Variants in ALKAL2 observed in about 807,000 individuals in gnomAD.
The protein encoded by ALKAL2 is AUG-alpha.
In ALKAL2, 8 loss-of-function variants were observed where a neutral mutation model predicts 18.5. The ratio of observed to expected loss-of-function variants is 0.43; its 90% confidence interval spans 0.25 to 0.78. The LOEUF is 0.78. ALKAL2 is among the 30% of genes least tolerant of loss of function. The pLI, the probability that ALKAL2 is intolerant of heterozygous loss-of-function variation, is 0.22. For synonymous variants in ALKAL2, 135 were observed against 95.8 expected, an observed-to-expected ratio of 1.41 and a Z score of -2.39; for missense variants, 241 against 211.2, an observed-to-expected ratio of 1.14 and a Z score of -0.88.
chr2:284,414 T>G (rs751928278), intron 4 of ALKAL2, among the ~76,000 whole-genome samples: 2 of 152,204 alleles, frequency 1.3e-5, no homozygotes, highest in African/African-American at 2.4e-5. Flanking sequence ...AGGTCTGATA[T>G]TCCAGGATCC....
In ALKAL2 at chr2:280,112, C is replaced by T. The variant is rs567075589; in HGVS notation, c.*35G>A. On this transcript the variant is annotated 3_prime_UTR_variant, in exon 6 of 6. Transcript: ENST00000403610. ...CCCTGTTGGTTTCCAAGGCACTTCT[C>T]ATGGCTCCTGGTGTGCTGCTCCTGT... 1.2e-6 allele frequency: 2 copies of T among 1,613,890 alleles called. No individual in the cohort carries two copies. Among genetic ancestry groups the T allele is most frequent in the South Asian group, 1.1e-5 (1 of 91,070 alleles).
intron 4 of ALKAL2, among the ~76,000 whole-genome samples, chr2:284,423 C>T (rs1670440946): frequency 6.6e-6 from 1 of 152,172 alleles, no homozygotes; most frequent in Non-Finnish European, 1.5e-5. Flanking sequence ...ATTCCAGGAT[C>T]CCAAGGATTT....
chr2:286,973 C>A (rs1368904993), intron 2 of ALKAL2: 1 of 152,194 alleles, frequency 6.6e-6, no homozygotes, highest in Admixed American at 6.5e-5. Context: ...CAAGGGCGTT[C>A]TTCTTGAGTT....
chr2:286,639 T>C (rs1302701553), intron 2 of ALKAL2: 5 of 276,254 alleles, frequency 1.8e-5, no homozygotes, highest in Non-Finnish European at 3.3e-5. Context: ...GAAAACTGTT[T>C]TTTTTTTCTT....
chr2:285,637 G>A (rs1439736344), intron 4 of ALKAL2, among the ~76,000 whole-genome samples: 1 of 152,236 alleles, frequency 6.6e-6, no homozygotes, highest in Non-Finnish European at 1.5e-5. Flanking sequence ...GGGCAGCTCT[G>A]CATTTCTGAA....
intron 5 of ALKAL2, among the ~76,000 whole-genome samples, chr2:281,138 A>T (rs1670327171): frequency 6.6e-6 from 1 of 152,234 alleles, no homozygotes; most frequent in East Asian, 1.9e-4. Flanking sequence ...CCACAGTAAG[A>T]GTTTGCTGTT....
chr2:287,904 G>A lies in ALKAL2; in HGVS notation c.-57-12C>T, dbSNP rs1016299598. On this transcript the variant is annotated splice_polypyrimidine_tract_variant and intron_variant, in intron 1 of 5. Coordinates refer to ENST00000403610, the MANE Select transcript of ALKAL2 (RefSeq NM_001002919.3). ...GAGAGCTGGGCTCGCTGCGAGAGAA[G>A]GGGCGCGGGGGGCCGGAGAGAAAGT... 5 of 1,247,524 alleles carry A rather than the reference G, an allele frequency of 4.0e-6. No individual in the cohort carries two copies. Among genetic ancestry groups the A allele is most frequent in the African/African-American group, 1.6e-5 (1 of 63,868 alleles). 77.3% of individuals were successfully genotyped at this position (1,247,524 alleles called of 1,614,324 possible).
At chr2:285,219 G>A (rs536045757) in intron 4 of ALKAL2, among the ~76,000 whole-genome samples, 7 of 152,362 alleles carry the variant, frequency 4.6e-5, no homozygotes, top group African/African-American at 1.7e-4. Context: ...CTCTATAAAT[G>A]ATGGTTATTA....
At position 288,038 on chromosome 2, in the gene ALKAL2, G is replaced by A. The variant is rs961817142; in HGVS notation, c.-83C>T. The A allele has an allele frequency of 1.8e-4, 222 of 1,218,062 alleles. No individual in the cohort carries two copies. The highest frequency in any genetic ancestry group is 2.2e-4 in the Non-Finnish European group (215 of 980,610). 75.5% of individuals were successfully genotyped at this position (1,218,062 alleles called of 1,614,324 possible). ...CTCCGCGGACCCCGAGGAACAAGCC[G>A]GCAGGTGAGGGAGCCGCGGTCTCCT... On this transcript the variant is annotated 5_prime_UTR_variant, in exon 1 of 6. Coordinates refer to ENST00000403610, the MANE Select transcript of ALKAL2 (RefSeq NM_001002919.3).
rs902372266 is a variant in ALKAL2 at position 281,941 on chromosome 2, G to A, written c.453+1170C>T. Among the ~76,000 whole-genome samples, 5 of 152,166 alleles carry A rather than the reference G, an allele frequency of 3.3e-5. 1 individual carries two copies. On this transcript the variant is annotated intron_variant, in intron 5 of 5. Coordinates refer to ENST00000403610, the MANE Select transcript of ALKAL2 (RefSeq NM_001002919.3). ...GAGAATTGGAAAGAGCAGGGATGTGGGGAGACATTACTACACAGCACTTCC... is the reference window on the plus strand; with the variant it reads ...GAGAATTGGAAAGAGCAGGGATGTGAGGAGACATTACTACACAGCACTTCC...
rs1670578251 is a variant in ALKAL2 at position 287,797 on chromosome 2, C to T, written c.39G>A (p.Leu13=). The T allele has an allele frequency of 1.0e-5, 14 of 1,377,546 alleles. No homozygotes were observed. Among genetic ancestry groups the T allele is most frequent in the Non-Finnish European group, 1.3e-5 (14 of 1,073,110 alleles). The allele number at this position is 1,377,546 out of a possible 1,614,324, so 85.3% of individuals were successfully genotyped here. The change falls in exon 2 of 6, where the codon CTG becomes CTA. Residue 13 remains leucine (L), a synonymous_variant. Transcript: ENST00000403610. ...GPGHPLLLGL[L]LVLGAAGRGR... Reference sequence around the variant, plus strand: ...CGCGCCCCGCCGCCCCCAGCACCAGCAGCAGCCCCAGGAGGAGGGGGTGCC... The same window carrying T: ...CGCGCCCCGCCGCCCCCAGCACCAGTAGCAGCCCCAGGAGGAGGGGGTGCC...
At chr2:284,103 T>C (rs956708886) in intron 4 of ALKAL2, among the ~76,000 whole-genome samples, 26 of 152,186 alleles carry the variant, frequency 1.7e-4, no homozygotes, top group African/African-American at 6.3e-4. Flanking sequence ...GCACCATGCT[T>C]TTTAGAATGT....
intron 4 of ALKAL2, among the ~76,000 whole-genome samples, chr2:284,682 A>G (rs1407785422): frequency 6.6e-6 from 1 of 152,206 alleles, no homozygotes; most frequent in Non-Finnish European, 1.5e-5. Flanking sequence ...AGGCCTGCAG[A>G]GTCAACCATG....
At chr2:287,489 G>T in intron 2 of ALKAL2, 94 bp downstream of exon 2, 2 of 829,628 alleles carry the variant, frequency 2.4e-6, no homozygotes, top group Non-Finnish European at 3.3e-6. Context: ...GCTGTTCAGT[G>T]GTCAAAATTG....
At position 288,027 on chromosome 2, in the gene ALKAL2, AGGAACAAGCCGGCAGGTGAG is replaced by A; in HGVS notation, c.-92_-73del. ...CGGCCCCTCACCTCCGCGGACCCCGAGGAACAAGCCGGCAGGTGAGGGAGCCGCGGTCTCCTCGACGATCA... is the reference window on the plus strand; with the variant it reads ...CGGCCCCTCACCTCCGCGGACCCCGAGGAGCCGCGGTCTCCTCGACGATCA... On this transcript the variant is annotated 5_prime_UTR_variant, in exon 1 of 6. Transcript: ENST00000403610. The A allele has an allele frequency of 8.2e-7, 1 of 1,222,326 alleles. No homozygotes were observed. The highest frequency in any genetic ancestry group is 1.0e-6 in the Non-Finnish European group (1 of 983,672). The allele number at this position is 1,222,326 out of a possible 1,614,324, so 75.7% of individuals were successfully genotyped here.
intron 4 of ALKAL2, among the ~76,000 whole-genome samples, chr2:285,080 G>A (rs903377916): frequency 3.9e-5 from 6 of 152,150 alleles, no homozygotes; most frequent in Non-Finnish European, 7.3e-5. Context: ...CCGAGGCTGC[G>A]TTCCATGCAT....
At chr2:280,661 T>C (rs1670310084) in intron 5 of ALKAL2, among the ~76,000 whole-genome samples, 1 of 152,224 alleles carries the variant, frequency 6.6e-6, no homozygotes, top group African/African-American at 2.4e-5. Context: ...TACTCACTAC[T>C]CAAAACTCCA....
intron 5 of ALKAL2, among the ~76,000 whole-genome samples, chr2:282,418 TAGTA>T (rs533791655): frequency 3.8e-4 from 58 of 152,350 alleles, no homozygotes; most frequent in African/African-American, 1.3e-3. Flanking sequence ...ACAAGACACA[TAGTA>T]AGTATAAAAT....
chr2:283,082 T>G, intron 5 of ALKAL2, 29 bp downstream of exon 5: 1 of 1,593,606 alleles, frequency 6.3e-7, no homozygotes, highest in South Asian at 1.2e-5. Flanking sequence ...CTTTGGTATG[T>G]GCTCCAGTGT....
Sources: allele counts gnomAD v4.1 joint callset (sites outside exome capture counted in the v4.1 genomes callset), GRCh38; gene constraint gnomAD v4.1.1; transcripts MANE v1.5; gene names NCBI Gene and HGNC (gene_info 2026-07-23, HGNC 2026-07-21).